The following CCDC102B variants were observed in gnomAD, a reference collection of about 807,000 sequenced individuals.
The protein encoded by CCDC102B is coiled-coil domain-containing protein 102B.
A neutral mutation model predicts 57.4 loss-of-function variants in CCDC102B; 75 were observed. That is an observed-to-expected ratio of 1.31 (90% CI 1.08 to 1.58). The LOEUF is 1.58. CCDC102B is among the 40% of genes most tolerant of loss of function. The probability of loss-of-function intolerance (pLI) is 0.00; values close to 1 mark genes in which losing one functional copy is unlikely to be tolerated. For synonymous variants in CCDC102B, 206 were observed against 201.9 expected, an observed-to-expected ratio of 1.02 and a Z score of -0.17; for missense variants, 636 against 582.6, an observed-to-expected ratio of 1.09 and a Z score of -0.94.
At chr18:68,716,806 C>T (rs28414027) in intron 2 of CCDC102B, among the ~76,000 whole-genome samples, 7,885 of 151,858 alleles carry the variant, frequency 0.052, 644 homozygotes, top group African/African-American at 0.17. Context: ...TGGCCTGGCG[C>T]GGTGGCTTAC....
chr18:68,991,968 G>A (rs1236513198), intron 6 of CCDC102B, among the ~76,000 whole-genome samples: 2 of 152,106 alleles, frequency 1.3e-5, no homozygotes, highest in Non-Finnish European at 2.9e-5. Context: ...TAAATATGAT[G>A]TAAAAAATAT....
intron 6 of CCDC102B, among the ~76,000 whole-genome samples, chr18:68,951,955 CT>C (rs1361434724): frequency 6.6e-6 from 1 of 152,002 alleles, no homozygotes; most frequent in Non-Finnish European, 1.5e-5. Flanking sequence ...TATTTATTTC[CT>C]TTCCATTAGT....
chr18:68,886,353 C>A (rs538969541), intron 5 of CCDC102B, among the ~76,000 whole-genome samples: 1 of 151,652 alleles, frequency 6.6e-6, no homozygotes, highest in South Asian at 2.1e-4. Flanking sequence ...AAATTATATA[C>A]AACCATTAAA....
chr18:69,028,830 A>G (rs1449512849), intron 7 of CCDC102B, among the ~76,000 whole-genome samples: 1 of 152,122 alleles, frequency 6.6e-6, no homozygotes, highest in Non-Finnish European at 1.5e-5. Flanking sequence ...TAGTCCTCAG[A>G]TAATTCCTTA....
rs1031756021 is a variant in CCDC102B, at chr18:69,038,940, C to T, written c.1435-15090C>T. ...TGGCTCAATGTTTGATTAGGCTACA[C>T]ATTTTTATTAAATACTAATCTTTTC... On this transcript the variant is annotated intron_variant, in intron 7 of 7. Transcript: ENST00000360242. 6.6e-5 allele frequency among the ~76,000 whole-genome samples: 10 copies of T among 152,046 alleles called. No individual in the cohort carries two copies. The East Asian group carries it at 1.4e-3, about 21-fold the overall frequency.
chr18:68,992,155 C>T (rs2050886745), intron 6 of CCDC102B, among the ~76,000 whole-genome samples: 2 of 151,936 alleles, frequency 1.3e-5, no homozygotes, highest in South Asian at 4.1e-4. Flanking sequence ...TACGTAGGGA[C>T]ATTTAAGTAA....
intron 7 of CCDC102B, among the ~76,000 whole-genome samples, chr18:69,014,006 T>C (rs1055113526): frequency 3.9e-5 from 6 of 152,272 alleles, no homozygotes; most frequent in African/African-American, 1.4e-4. Flanking sequence ...ACAAAAATAG[T>C]GTAGGGATAA....
At chr18:68,838,362 A>G in intron 2 of CCDC102B, 1 of 959,592 alleles carries the variant, frequency 1.0e-6, no homozygotes, top group Non-Finnish European at 1.2e-6. Context: ...CTTATGACAA[A>G]AGAAACTTGA....
At chr18:68,775,029 T>C (rs1038171160) in intron 2 of CCDC102B, among the ~76,000 whole-genome samples, 2 of 146,580 alleles carry the variant, frequency 1.4e-5, no homozygotes, top group African/African-American at 4.9e-5. Context: ...TTCTTTTCTG[T>C]TTTTTTTTTG....
chr18:68,815,916 A>G (rs983713222), intron 1 of CCDC102B, among the ~76,000 whole-genome samples: 20 of 152,196 alleles, frequency 1.3e-4, no homozygotes, highest in African/African-American at 4.3e-4. Context: ...TTTTATTTCA[A>G]TATATCAATT....
At chr18:68,903,279 C>T (rs1014557908) in intron 6 of CCDC102B, among the ~76,000 whole-genome samples, 1 of 152,142 alleles carries the variant, frequency 6.6e-6, no homozygotes, top group Non-Finnish European at 1.5e-5. Flanking sequence ...TATGCTCTTA[C>T]ACTCCCTTTC....
chr18:68,918,191 T>C (rs2041144488), intron 6 of CCDC102B, among the ~76,000 whole-genome samples: 1 of 152,218 alleles, frequency 6.6e-6, no homozygotes, highest in Admixed American at 6.5e-5. Flanking sequence ...AACCTACATA[T>C]AAATCTCAAC....
At chr18:68,719,373 T>C (rs1568215465) in intron 2 of CCDC102B, among the ~76,000 whole-genome samples, 1 of 152,210 alleles carries the variant, frequency 6.6e-6, no homozygotes, top group Non-Finnish European at 1.5e-5. Context: ...TCCAAGTGTT[T>C]AATTCAGTCC....
chr18:68,956,334 T>TATATATTAATATAAAAA (rs1555732877), intron 6 of CCDC102B, among the ~76,000 whole-genome samples: 1 of 73,502 alleles, frequency 1.4e-5, no homozygotes, highest in Non-Finnish European at 2.5e-5. Flanking sequence ...ATATATATTA[T>TATATATTAATATAAAAA]ATATAATATA....
chr18:68,946,722 CCTAAG>C (rs1297230235), intron 6 of CCDC102B, among the ~76,000 whole-genome samples: 1 of 151,886 alleles, frequency 6.6e-6, no homozygotes, highest in Non-Finnish European at 1.5e-5. Flanking sequence ...CATTTAGAAA[CCTAAG>C]GGCTTTGAAG....
At chr18:68,915,003 GAA>G (rs1233751585) in intron 6 of CCDC102B, among the ~76,000 whole-genome samples, 2 of 151,846 alleles carry the variant, frequency 1.3e-5, no homozygotes, top group African/African-American at 4.8e-5. Context: ...GAGACAGACA[GAA>G]AGAGAGAGAG....
At chr18:68,869,654 T>C (rs781404690) in intron 4 of CCDC102B, among the ~76,000 whole-genome samples, 1 of 152,232 alleles carries the variant, frequency 6.6e-6, no homozygotes, top group Admixed American at 6.5e-5. Flanking sequence ...GCAAAAATTT[T>C]CTCTCATTCT....
chr18:69,024,880 A>G (rs1382766918), intron 7 of CCDC102B, among the ~76,000 whole-genome samples: 1 of 152,060 alleles, frequency 6.6e-6, no homozygotes, highest in East Asian at 1.9e-4. Flanking sequence ...TTGTGTAAAC[A>G]TTATATAGTT....
intron 2 of CCDC102B, among the ~76,000 whole-genome samples, chr18:68,783,024 C>G (rs1457029562): frequency 1.3e-5 from 2 of 152,256 alleles, no homozygotes; most frequent in South Asian, 2.1e-4. Context: ...TAGAGATTCT[C>G]TTTTGCAGAT....
Sources: allele counts gnomAD v4.1 joint callset (sites outside exome capture counted in the v4.1 genomes callset), GRCh38; gene constraint gnomAD v4.1.1; transcripts MANE v1.5; gene names NCBI Gene and HGNC (gene_info 2026-07-23, HGNC 2026-07-21).